The following SEPTIN10 variants were observed in gnomAD, a reference collection of about 807,000 sequenced individuals.
The protein encoded by SEPTIN10 is septin-10.
A neutral mutation model predicts 54.8 loss-of-function variants in SEPTIN10; 66 were observed. That is an observed-to-expected ratio of 1.21 (90% CI 0.99 to 1.48). The LOEUF is 1.48. SEPTIN10 is among the 40% of genes most tolerant of loss of function. The pLI, the probability that SEPTIN10 is intolerant of heterozygous loss-of-function variation, is 0.00. For synonymous variants in SEPTIN10, 161 were observed against 181.0 expected (o/e 0.89, Z 0.89); for missense variants, 620 against 545.6 (o/e 1.14, Z -1.36).
At chr2:109,579,674 C>T (rs867506273) in intron 4 of SEPTIN10, among the ~76,000 whole-genome samples, 4 of 151,744 alleles carry the variant, frequency 2.6e-5, no homozygotes, top group Non-Finnish European at 4.4e-5. Context: ...TGAGCCACCA[C>T]GCCCAGCCAG....
chr2:109,582,025 A>G (rs1691262753), intron 4 of SEPTIN10, among the ~76,000 whole-genome samples: 1 of 152,038 alleles, frequency 6.6e-6, no homozygotes, highest in Non-Finnish European at 1.5e-5. Context: ...CTGTATATCA[A>G]TAATGGTCAA....
chr2:109,549,857 T>A (rs1048286572), intron 9 of SEPTIN10, among the ~76,000 whole-genome samples: 1 of 152,194 alleles, frequency 6.6e-6, no homozygotes, highest in African/African-American at 2.4e-5. Context: ...GAATGTGGTC[T>A]CTTTCTCTCT....
intron 1 of SEPTIN10, 37 bp downstream of exon 1, chr2:109,613,761 A>AGCGCGGGGCTGGGGC (rs1699835902): frequency 8.4e-7 from 1 of 1,194,618 alleles, no homozygotes; most frequent in Non-Finnish European, 1.0e-6. Context: ...GGGGCCGGGG[A>AGCGCGGGGCTGGGGC]GCGCGGGGCT....
At chr2:109,611,081 T>C (rs1359157211) in intron 1 of SEPTIN10, among the ~76,000 whole-genome samples, 1 of 152,120 alleles carries the variant, frequency 6.6e-6, no homozygotes, top group Non-Finnish European at 1.5e-5. Context: ...AACAACTCAA[T>C]AATGGAAAGG....
At chr2:109,611,739 C>T (rs1425958317) in intron 1 of SEPTIN10, among the ~76,000 whole-genome samples, 1 of 152,104 alleles carries the variant, frequency 6.6e-6, no homozygotes, top group Non-Finnish European at 1.5e-5. Context: ...TGCACTCTAG[C>T]CTGGGTGACA....
chr2:109,585,689 A>G lies in SEPTIN10; in HGVS notation c.217+32T>C, dbSNP rs1352092236. On this transcript the variant is annotated intron_variant, in intron 3 of 10. Transcript: ENST00000397712. ...GAAGTGAGCACAAGGAATATGAAGG[A>G]ACAACTTAGAGGAAGAGTAGGTGGC... 3 of 1,427,700 alleles carry G rather than the reference A, an allele frequency of 2.1e-6. No homozygotes were observed. In the Admixed American group the frequency reaches 5.0e-5, roughly 24 times the overall value. 88.4% of individuals were successfully genotyped at this position (1,427,700 alleles called of 1,614,324 possible). A position where few individuals can be genotyped will look rare whatever the true frequency, so the allele number is the denominator to read the frequency against.
intron 4 of SEPTIN10, among the ~76,000 whole-genome samples, chr2:109,576,219 C>T (rs1374856274): frequency 6.6e-6 from 1 of 152,066 alleles, no homozygotes; most frequent in African/African-American, 2.4e-5. Flanking sequence ...TGTGATTGTG[C>T]CACTGCACAC....
intron 1 of SEPTIN10, among the ~76,000 whole-genome samples, chr2:109,596,381 G>A (rs1213539618): frequency 6.6e-6 from 1 of 152,116 alleles, no homozygotes; most frequent in Non-Finnish European, 1.5e-5. Flanking sequence ...AGTTTGGGAG[G>A]CCGAGGTGGG....
chr2:109,548,304 G>T (rs750298339), intron 9 of SEPTIN10, among the ~76,000 whole-genome samples: 1 of 152,136 alleles, frequency 6.6e-6, no homozygotes, highest in Non-Finnish European at 1.5e-5. Flanking sequence ...TTGGTCCTCT[G>T]ATCTGGTTAG....
At chr2:109,560,286 G>T (rs1038767798) in intron 8 of SEPTIN10, among the ~76,000 whole-genome samples, 3 of 152,154 alleles carry the variant, frequency 2.0e-5, no homozygotes, top group Non-Finnish European at 4.4e-5. Flanking sequence ...TGTCAAGGAA[G>T]CACCTCTGTA....
intron 8 of SEPTIN10, among the ~76,000 whole-genome samples, chr2:109,557,927 G>T (rs561120727): frequency 1.3e-4 from 19 of 150,650 alleles, no homozygotes; most frequent in African/African-American, 4.4e-4. Flanking sequence ...CAAGTAGCTG[G>T]GACTATATGA....
In SEPTIN10 at chr2:109,546,042, C is replaced by T; in HGVS notation, c.1349+8G>A. 1.3e-6 allele frequency: 2 copies of T among 1,559,310 alleles called. No individual in the cohort carries two copies. The highest frequency in any genetic ancestry group is 2.3e-5 in the East Asian group (1 of 43,186). ...AGGGCTGCCAGGGAGGGTGGCTGGG[C>T]CTCTTACTTCTTACGGTCCTTGTCC... On this transcript the variant is annotated splice_region_variant and intron_variant, in intron 10 of 10. Transcript: ENST00000397712.
At chr2:109,613,352 G>T in intron 1 of SEPTIN10, 1 of 359,422 alleles carries the variant, frequency 2.8e-6, no homozygotes, top group South Asian at 2.5e-5. Context: ...CGGATAAAAC[G>T]GGAGAGCTTT....
chr2:109,561,728 C>T (rs887226410), intron 8 of SEPTIN10, among the ~76,000 whole-genome samples: 1 of 152,186 alleles, frequency 6.6e-6, no homozygotes, highest in African/African-American at 2.4e-5. Context: ...AGGTCAATAA[C>T]GATCACCACC....
chr2:109,578,564 C>T (rs905563933), intron 4 of SEPTIN10, among the ~76,000 whole-genome samples: 3 of 152,018 alleles, frequency 2.0e-5, no homozygotes, highest in Admixed American at 6.6e-5. Flanking sequence ...GTCAGGAGTT[C>T]GAGGCCAGTC....
rs1422476664 is a variant in SEPTIN10 at position 109,544,422 on chromosome 2, T to C, written c.1350-98A>G. On this transcript the variant is annotated intron_variant, in intron 10 of 10. Transcript: ENST00000397712. ...TAGTATATTATAGGATATCTGGCCA[T>C]GGGACTTTGAAAAAGAAAAGAAAAA... The C allele has an allele frequency of 9.7e-6, 14 of 1,448,658 alleles. No individual in the cohort carries two copies. In the South Asian group the frequency reaches 1.9e-4, roughly 20 times the overall value. 89.7% of individuals were successfully genotyped at this position (1,448,658 alleles called of 1,614,324 possible). A position where few individuals can be genotyped will look rare whatever the true frequency, so the allele number is the denominator to read the frequency against.
intron 6 of SEPTIN10, among the ~76,000 whole-genome samples, chr2:109,567,480 G>T (rs960463408): frequency 6.6e-6 from 1 of 152,154 alleles, no homozygotes; most frequent in African/African-American, 2.4e-5. Flanking sequence ...AGGCTGTAAA[G>T]TCTTCTCATG....
chr2:109,602,230 G>A (rs574973013), intron 1 of SEPTIN10, among the ~76,000 whole-genome samples: 1 of 152,306 alleles, frequency 6.6e-6, no homozygotes, highest in South Asian at 2.1e-4. Context: ...CAAGCAATGA[G>A]AGAAAGTTTG....
chr2:109,555,283 C>A (rs1346874475), intron 8 of SEPTIN10, among the ~76,000 whole-genome samples: 1 of 152,180 alleles, frequency 6.6e-6, no homozygotes, highest in East Asian at 1.9e-4. Context: ...TCTCACCAAA[C>A]AATTCTGATA....
Sources: allele counts gnomAD v4.1 joint callset (sites outside exome capture counted in the v4.1 genomes callset), GRCh38; gene constraint gnomAD v4.1.1; transcripts MANE v1.5; gene names NCBI Gene and HGNC (gene_info 2026-07-23, HGNC 2026-07-21).